Variants in ATAD2B observed in about 807,000 individuals in gnomAD.
ATAD2B encodes ATPase family AAA domain containing 2B.
Under a neutral mutation model 167.6 loss-of-function variants are expected in ATAD2B, and 40 were observed. That is an observed-to-expected ratio of 0.24 (90% CI 0.19 to 0.31). The LOEUF is 0.31. ATAD2B is among the 10% of genes least tolerant of loss of function. ATAD2B has a pLI of 1.00. For missense variants in ATAD2B, 1,242 were observed against 1,757.2 expected, an observed-to-expected ratio of 0.71 and a Z score of 5.24; for synonymous variants, 579 against 596.5, an observed-to-expected ratio of 0.97 and a Z score of 0.43.
the ATAD2B span, among the ~76,000 whole-genome samples, chr2:23,719,489 T>C: frequency 6.6e-6 from 1 of 152,062 alleles, no homozygotes; most frequent in Non-Finnish European, 1.5e-5. Context: ...CAAAAACAAA[T>C]ATACAGTGCC....
intron 21 of ATAD2B, among the ~76,000 whole-genome samples, chr2:23,783,674 C>A (rs1273244583): frequency 6.6e-6 from 1 of 152,012 alleles, no homozygotes; most frequent in Admixed American, 6.6e-5. Context: ...TGTGAGATAA[C>A]CCTAAACAGG....
chr2:23,743,374 C>A, the ATAD2B span, among the ~76,000 whole-genome samples: 31 of 151,946 alleles, frequency 2.0e-4, no homozygotes, highest in African/African-American at 7.3e-4. Flanking sequence ...CGAGACCAGC[C>A]TGACCAACAC....
At position 23,751,732 on chromosome 2, in the gene ATAD2B, C is replaced by A; in HGVS notation, c.*314G>T. Reference sequence around the variant, plus strand: ...GGTCTGCTCCCTAAGAGAGGAGTCTCCAAAAGAGAGTGCACAAAAAGAGGA... The same window carrying A: ...GGTCTGCTCCCTAAGAGAGGAGTCTACAAAAGAGAGTGCACAAAAAGAGGA... On this transcript the variant is annotated 3_prime_UTR_variant, in exon 28 of 28. Coordinates refer to ENST00000238789, the MANE Select transcript of ATAD2B (RefSeq NM_017552.4). The A allele has an allele frequency of 2.8e-6, 1 of 362,414 alleles. No individual in the cohort carries two copies. Among genetic ancestry groups the A allele is most frequent in the Non-Finnish European group, 5.0e-6 (1 of 200,262 alleles). The allele number at this position is 362,414 out of a possible 1,614,324, so 22.4% of individuals were successfully genotyped here.
chr2:23,807,722 A>G (rs1219747145), intron 18 of ATAD2B, among the ~76,000 whole-genome samples: 1 of 150,782 alleles, frequency 6.6e-6, no homozygotes, highest in Non-Finnish European at 1.5e-5. Flanking sequence ...AGGCTGACGC[A>G]GGAGAATCGC....
At position 23,793,584 on chromosome 2, in the gene ATAD2B, T is replaced by A. The variant is rs973832063; in HGVS notation, c.2640+4554A>T. On this transcript the variant is annotated intron_variant, in intron 19 of 27. Transcript: ENST00000238789. ...ACAATTCTGCATGGTTCTCAAGTGGTCAAAAATTTAAAGAAAAAATATTTT... is the reference window on the plus strand; with the variant it reads ...ACAATTCTGCATGGTTCTCAAGTGGACAAAAATTTAAAGAAAAAATATTTT... 9.8e-5 allele frequency among the ~76,000 whole-genome samples: 15 copies of A among 152,326 alleles called. No individual in the cohort carries two copies. The East Asian group carries it at 2.9e-3, about 29-fold the overall frequency.
the ATAD2B span, among the ~76,000 whole-genome samples, chr2:23,680,460 A>T: frequency 6.6e-6 from 1 of 152,184 alleles, no homozygotes; most frequent in East Asian, 1.9e-4. The surrounding 1 kb of genome is among the most constrained non-coding windows in gnomAD (Gnocchi z 4.1). Context: ...CCACAGACGT[A>T]GGCGGGCATC....
chr2:23,806,045 A>G (rs911744848), intron 18 of ATAD2B: 1 of 152,224 alleles, frequency 6.6e-6, no homozygotes, highest in African/African-American at 2.4e-5. Context: ...TTTAATCTAA[A>G]GAATGCTTTT....
chr2:23,730,801 ATAATC>A, the ATAD2B span, among the ~76,000 whole-genome samples: 1 of 152,076 alleles, frequency 6.6e-6, no homozygotes, highest in East Asian at 1.9e-4. Context: ...TCTCAAACCA[ATAATC>A]TAATCTTTCA....
chr2:23,882,468 T>C (rs1200814476), intron 6 of ATAD2B, among the ~76,000 whole-genome samples: 18 of 142,222 alleles, frequency 1.3e-4, no homozygotes, highest in African/African-American at 4.8e-4. Flanking sequence ...AGTGCTGGAA[T>C]TATAGGGGTG....
chr2:23,732,604 C>A, the ATAD2B span, among the ~76,000 whole-genome samples: 1 of 152,100 alleles, frequency 6.6e-6, no homozygotes, highest in African/African-American at 2.4e-5. Context: ...GGTGTTAATT[C>A]ATAAATAAAT....
intron 1 of ATAD2B, among the ~76,000 whole-genome samples, chr2:23,911,581 G>A (rs1389811838): frequency 1.4e-5 from 2 of 146,378 alleles, no homozygotes; most frequent in African/African-American, 5.1e-5. Context: ...AAGAAGAGGA[G>A]AAAGAAGAGA....
chr2:23,902,174 G>A (rs1026702485), intron 1 of ATAD2B, among the ~76,000 whole-genome samples: 1 of 152,166 alleles, frequency 6.6e-6, no homozygotes, highest in Non-Finnish European at 1.5e-5. Flanking sequence ...ACAAAAGTCT[G>A]AGGACCTCTG....
intron 24 of ATAD2B, among the ~76,000 whole-genome samples, chr2:23,761,982 T>C (rs1676801050): frequency 6.6e-6 from 1 of 152,146 alleles, no homozygotes; most frequent in South Asian, 2.1e-4. Flanking sequence ...CAAGCCTAGT[T>C]CAATTGTCAT....
At chr2:23,679,003 T>C in the ATAD2B span, among the ~76,000 whole-genome samples, 2 of 151,112 alleles carry the variant, frequency 1.3e-5, no homozygotes, top group African/African-American at 4.9e-5. Context: ...TGAATATACT[T>C]AACACAACTG....
chr2:23,701,793 C>CTTTTT, the ATAD2B span, among the ~76,000 whole-genome samples: 1 of 22,536 alleles, frequency 4.4e-5, no homozygotes, highest in Non-Finnish European at 9.9e-5. Context: ...CTTTTTTTTG[C>CTTTTT]TTTTTTTTTT....
chr2:23,696,404 G>C, the ATAD2B span: 1 of 1,551,406 alleles, frequency 6.4e-7, no homozygotes, highest in African/African-American at 1.4e-5. This position sits in a 1 kb window ranked among gnomAD's most constrained non-coding sequence, Gnocchi z 5.5. Context: ...CTGGAACCTC[G>C]TCTCCAGAAT....
chr2:23,732,871 T>G, the ATAD2B span, among the ~76,000 whole-genome samples: 407 of 152,346 alleles, frequency 2.7e-3, 4 homozygotes, highest in African/African-American at 8.0e-3. Flanking sequence ...TAGGCTCTTT[T>G]GTCAGAATCC....
chr2:23,830,071 C>A (rs1333351353), intron 14 of ATAD2B, among the ~76,000 whole-genome samples: 1 of 152,114 alleles, frequency 6.6e-6, no homozygotes, highest in African/African-American at 2.4e-5. Context: ...TCAACCTCAG[C>A]CTCCTAGGTT....
At chr2:23,766,222 C>A (rs1677393501) in intron 22 of ATAD2B, among the ~76,000 whole-genome samples, 1 of 151,992 alleles carries the variant, frequency 6.6e-6, no homozygotes, top group African/African-American at 2.4e-5. Context: ...TAAACTATGC[C>A]TAAAAATGGT....
Sources: allele counts gnomAD v4.1 joint callset (sites outside exome capture counted in the v4.1 genomes callset), GRCh38; gene constraint gnomAD v4.1.1; non-coding constraint Gnocchi (gnomAD v3.1); transcripts MANE v1.5; gene names NCBI Gene and HGNC (gene_info 2026-07-23, HGNC 2026-07-21).